Variants in ALPK2 observed in about 807,000 individuals in gnomAD.
ALPK2 encodes alpha-protein kinase 2.
A neutral mutation model predicts 163.1 loss-of-function variants in ALPK2; 127 were observed. That is an observed-to-expected ratio of 0.78 (90% CI 0.67 to 0.90). ALPK2 has a LOEUF of 0.90. Ranked by LOEUF, ALPK2 falls within the 40% of genes least tolerant of loss-of-function variation. The probability of loss-of-function intolerance (pLI) is 0.00; values close to 1 mark genes in which losing one functional copy is unlikely to be tolerated. For missense variants in ALPK2, 2,360 were observed against 2,589.6 expected (o/e 0.91, Z 1.92); for synonymous variants, 953 against 959.1 (o/e 0.99, Z 0.12).
At chr18:58,619,675 G>C (rs745913560) in intron 1 of ALPK2, among the ~76,000 whole-genome samples, 2 of 152,182 alleles carry the variant, frequency 1.3e-5, no homozygotes, top group Non-Finnish European at 2.9e-5. Context: ...GCCTCAAAGA[G>C]TGTGTTTATG....
intron 12 of ALPK2, among the ~76,000 whole-genome samples, chr18:58,485,250 T>C (rs1287429009): frequency 2.0e-5 from 3 of 152,198 alleles, no homozygotes; most frequent in Non-Finnish European, 4.4e-5. Context: ...ATGTTGCGGA[T>C]TCTGTAGCTG....
chr18:58,513,611 T>C (rs1301056968), intron 10 of ALPK2, among the ~76,000 whole-genome samples: 4 of 152,216 alleles, frequency 2.6e-5, no homozygotes, highest in Non-Finnish European at 5.9e-5. Context: ...GCATGGTGGC[T>C]CATGCCTATA....
intron 4 of ALPK2, among the ~76,000 whole-genome samples, chr18:58,548,300 G>A (rs374266448): frequency 1.3e-5 from 2 of 151,470 alleles, no homozygotes; most frequent in African/African-American, 4.8e-5. Flanking sequence ...ATAGTGATAG[G>A]ACCTCGGGTT....
chr18:58,546,386 A>C (rs4598995), intron 4 of ALPK2, among the ~76,000 whole-genome samples: 151,045 of 152,270 alleles, frequency 0.99, 74,929 homozygotes, highest in East Asian at 1. Context: ...GAGCTCTGTG[A>C]GTTCAGTGGG....
chr18:58,514,253 G>GT (rs1377620038), intron 10 of ALPK2, among the ~76,000 whole-genome samples: 1 of 152,206 alleles, frequency 6.6e-6, no homozygotes, highest in Non-Finnish European at 1.5e-5. Flanking sequence ...TTCCCATTTT[G>GT]TGAGTTAACA....
At chr18:58,544,040 A>G (rs1443232595) in intron 4 of ALPK2, among the ~76,000 whole-genome samples, 1 of 152,178 alleles carries the variant, frequency 6.6e-6, no homozygotes, top group Non-Finnish European at 1.5e-5. Context: ...CTTCCCTACA[A>G]GGTCTAAGGG....
At chr18:58,620,504 G>A (rs533770266) in intron 1 of ALPK2, among the ~76,000 whole-genome samples, 5 of 152,310 alleles carry the variant, frequency 3.3e-5, no homozygotes, top group Non-Finnish European at 5.9e-5. Flanking sequence ...GTGGTTGGAG[G>A]TGAGGGCAGT....
intron 3 of ALPK2, among the ~76,000 whole-genome samples, chr18:58,595,659 A>G (rs1432809126): frequency 1.3e-5 from 2 of 152,184 alleles, no homozygotes; most frequent in African/African-American, 2.4e-5. Flanking sequence ...GGATTTGACC[A>G]ATTAAAACAG....
At chr18:58,539,720 A>G (rs939132277) in intron 4 of ALPK2, among the ~76,000 whole-genome samples, 3 of 152,214 alleles carry the variant, frequency 2.0e-5, no homozygotes, top group Admixed American at 2.0e-4. Context: ...TGAAATGTTC[A>G]TGGGCATATT....
intron 4 of ALPK2, among the ~76,000 whole-genome samples, chr18:58,555,713 A>T (rs563447870): frequency 2.4e-4 from 36 of 152,264 alleles, no homozygotes; most frequent in Middle Eastern, 3.4e-3. Flanking sequence ...AACCCCAACC[A>T]TTTCAGTGGA....
Position 58,524,063 on chromosome 18 carries a change from C to A in ALPK2, c.5502-1G>T. ...GGAAACAGTGGAGTTGTCCCCTGCA[C>A]TGCAATGAGGAATATTCACATTGAC... On this transcript the variant is annotated splice_acceptor_variant, in intron 6 of 12. Coordinates refer to ENST00000361673, the MANE Select transcript of ALPK2 (RefSeq NM_052947.4). LOFTEE classifies it high-confidence loss of function. 1 of 1,611,774 alleles carries A rather than the reference C, an allele frequency of 6.2e-7. No homozygotes were observed. The highest frequency in any genetic ancestry group is 8.5e-7 in the Non-Finnish European group (1 of 1,178,408).
At chr18:58,509,581 T>G (rs2144118390) in intron 10 of ALPK2, among the ~76,000 whole-genome samples, 1 of 151,950 alleles carries the variant, frequency 6.6e-6, no homozygotes, top group East Asian at 1.9e-4. Context: ...CCATTCTAAC[T>G]GGTGTGAGAT....
chr18:58,571,752 CA>C (rs1438173648), intron 4 of ALPK2, among the ~76,000 whole-genome samples: 3 of 151,934 alleles, frequency 2.0e-5, no homozygotes, highest in Non-Finnish European at 2.9e-5. Context: ...CCGAGGTGGG[CA>C]GATCACAAGG....
At chr18:58,515,740 G>T (rs773080658) in intron 9 of ALPK2, among the ~76,000 whole-genome samples, 2 of 152,218 alleles carry the variant, frequency 1.3e-5, no homozygotes, top group South Asian at 2.1e-4. Flanking sequence ...TGGCAGTGCC[G>T]CAGGATCACG....
At chr18:58,582,685 A>C (rs1371161644) in intron 3 of ALPK2, among the ~76,000 whole-genome samples, 1 of 152,140 alleles carries the variant, frequency 6.6e-6, no homozygotes, top group Non-Finnish European at 1.5e-5. Context: ...AGTCAGTTTT[A>C]CAGTTTGGTT....
rs368005415 is a variant in ALPK2, at chr18:58,481,984, G to A, written c.6352C>T (p.Leu2118=). 17 of 1,614,036 alleles carry A rather than the reference G, an allele frequency of 1.1e-5. No homozygotes were observed. Among genetic ancestry groups the A allele is most frequent in the Non-Finnish European group, 1.4e-5 (16 of 1,180,008 alleles). ...SMTFIDQFKA[L]HQCNKYCKML... ...TTGCAATACTTGTTACACTGGTGTA[G>A]TGCTTTAAACTGATCAATGAAGGTC... The change falls in exon 13 of 13, where the codon CTA becomes TTA. Residue 2118 remains leucine (L), a synonymous_variant. Transcript: ENST00000361673.
At chr18:58,499,168 G>C (rs911259147) in intron 11 of ALPK2, among the ~76,000 whole-genome samples, 1 of 152,094 alleles carries the variant, frequency 6.6e-6, no homozygotes, top group African/African-American at 2.4e-5. Context: ...GGGGATAGGT[G>C]GGGGATATCA....
At position 58,539,373 on chromosome 18, in the gene ALPK2, G is replaced by GA. The variant is rs1166019049; in HGVS notation, c.1963-1150dup. Among the ~76,000 whole-genome samples, 3 of 152,124 alleles carry GA rather than the reference G, an allele frequency of 2.0e-5. No individual in the cohort carries two copies. The East Asian group carries it at 5.8e-4, about 29-fold the overall frequency. The stretch of plus-strand genomic sequence containing the variant: ...GGAGGGAGGAAGAGAGGAAGGCAGA[G>GA]AAAAAGAAACCTCACATTCTGAGGA... On this transcript the variant is annotated intron_variant, in intron 4 of 12. Coordinates refer to ENST00000361673, the MANE Select transcript of ALPK2 (RefSeq NM_052947.4).
Position 58,580,309 on chromosome 18 carries a change from C to T in ALPK2, c.467G>A (p.Gly156Asp). 1 of 1,614,064 alleles carries T rather than the reference C, an allele frequency of 6.2e-7. No homozygotes were observed. Among genetic ancestry groups the T allele is most frequent in the East Asian group, 2.2e-5 (1 of 44,882 alleles). Residue 156 changes from glycine (G) to aspartate (D), a missense_variant, in exon 4 of 13, where the codon GGC becomes GAC. By Grantham distance (94) the Gly-to-Asp change is moderately conservative (BLOSUM62 -1). Coordinates refer to ENST00000361673, the MANE Select transcript of ALPK2 (RefSeq NM_052947.4). ...GGAGGAGTCAGCTGACCTGGGAGTG[C>T]CCGGGGAGATGCTTTCTTCTTCCTT... ...PYKEEESISP[G>D]TPRSADSSPS...
Sources: gnomAD v4.1 joint callset for allele counts (sites outside exome capture counted in the v4.1 genomes callset) on GRCh38, gnomAD v4.1.1 for gene constraint, MANE v1.5 for transcripts, NCBI Gene and HGNC (gene_info 2026-07-23, HGNC 2026-07-21) for gene names.